The following DACH2 variants were observed in gnomAD, a reference collection of about 807,000 sequenced individuals.
The protein encoded by DACH2 is dachshund homolog 2.
In DACH2, 17 loss-of-function variants were observed where a neutral mutation model predicts 35.8. That is an observed-to-expected ratio of 0.48 (90% confidence interval 0.33 to 0.71). DACH2 has a LOEUF of 0.71. DACH2 is among the 30% of genes least tolerant of loss of function. The pLI, the probability that DACH2 is intolerant of heterozygous loss-of-function variation, is 0.02. For missense variants in DACH2, 469 were observed against 472.7 expected (o/e 0.99, Z 0.07); for synonymous variants, 195 against 177.3 (o/e 1.10, Z -0.79).
intron 3 of DACH2, among the ~76,000 whole-genome samples, chrX:86,635,409 C>T (rs11798002): frequency 0.14 from 15,479 of 108,873 alleles, 1,150 homozygotes; most frequent in Middle Eastern, 0.31. Flanking sequence ...TATGACAAAC[C>T]CACAGCCAAC....
chrX:86,291,429 C>A (rs1355423992), intron 1 of DACH2, among the ~76,000 whole-genome samples: 1 of 99,791 alleles, frequency 1.0e-5, no homozygotes, highest in South Asian at 5.3e-4. Context: ...CTTCTCCTGC[C>A]TAATTGGCCT....
intron 3 of DACH2, among the ~76,000 whole-genome samples, chrX:86,629,719 C>G (rs770811544): frequency 1.0e-5 from 1 of 98,644 alleles, no homozygotes; most frequent in African/African-American, 3.8e-5. Flanking sequence ...CCTATCTCTG[C>G]AGAATAAAAA....
At chrX:86,359,842 C>A (rs2035709564) in intron 1 of DACH2, among the ~76,000 whole-genome samples, 1 of 110,951 alleles carries the variant, frequency 9.0e-6, no homozygotes, top group Non-Finnish European at 1.9e-5. Context: ...TCTGCCTGCC[C>A]AGCGAGTACA....
At chrX:86,672,615 T>G (rs2148425840) in intron 4 of DACH2, among the ~76,000 whole-genome samples, 1 of 112,222 alleles carries the variant, frequency 8.9e-6, no homozygotes, top group South Asian at 3.7e-4. Context: ...GACATTGTGT[T>G]AAGCCTATGG....
intron 2 of DACH2, among the ~76,000 whole-genome samples, chrX:86,470,797 T>C (rs1035089520): frequency 3.1e-4 from 34 of 111,443 alleles, no homozygotes; most frequent in African/African-American, 1.1e-3. Context: ...AAATAAAAGA[T>C]ACACATTATA....
rs772580873 is a variant in DACH2, at chrX:86,827,681, T to A, written c.1751-4425T>A. ...GAAATACTATAAAGTGAGTTTGTGG[T>A]TTTCAGTGAAGTGCATTGAGTAGAT... On this transcript the variant is annotated intron_variant, in intron 11 of 11. Transcript: ENST00000373125. The A allele has an allele frequency of 5.4e-5, 45 of 839,860 alleles. No homozygotes were observed. In the Admixed American group the frequency reaches 5.6e-4, roughly 10 times the overall value. The allele number at this position is 839,860 out of a possible 1,213,427, so 69.2% of individuals were successfully genotyped here.
chrX:86,555,941 G>A (rs2039112593), intron 3 of DACH2, among the ~76,000 whole-genome samples: 1 of 110,952 alleles, frequency 9.0e-6, no homozygotes, highest in Admixed American at 9.7e-5. Flanking sequence ...TTTAATGCCG[G>A]CATCTAAAAT....
chrX:86,279,681 C>T (rs1482537434), intron 1 of DACH2, among the ~76,000 whole-genome samples: 1 of 110,249 alleles, frequency 9.1e-6, no homozygotes, highest in Non-Finnish European at 1.9e-5. Flanking sequence ...TATGAACTGA[C>T]AGAAGTAGGC....
intron 1 of DACH2, among the ~76,000 whole-genome samples, chrX:86,340,392 G>A (rs888902230): frequency 1.8e-5 from 2 of 110,768 alleles, no homozygotes; most frequent in East Asian, 2.8e-4. Context: ...TAATTATTTC[G>A]GAACACCACA....
intron 3 of DACH2, among the ~76,000 whole-genome samples, chrX:86,529,673 C>T (rs2038685364): frequency 1.9e-5 from 2 of 107,776 alleles, no homozygotes; most frequent in African/African-American, 6.8e-5. Flanking sequence ...AGGGTTTCAC[C>T]GTGTTAGCCA....
chrX:86,597,029 T>A (rs996214367), intron 3 of DACH2, among the ~76,000 whole-genome samples: 1 of 111,749 alleles, frequency 8.9e-6, no homozygotes, highest in Admixed American at 9.5e-5. Context: ...CTGCCTTGAT[T>A]AATGCAGTCT....
chrX:86,525,276 G>T (rs2038614857), intron 3 of DACH2, among the ~76,000 whole-genome samples: 1 of 111,984 alleles, frequency 8.9e-6, no homozygotes, highest in Non-Finnish European at 1.9e-5. Context: ...AAATGTAGGA[G>T]ATCAGATGTT....
chrX:86,619,690 C>T (rs190556088), intron 3 of DACH2, among the ~76,000 whole-genome samples: 84 of 111,867 alleles, frequency 7.5e-4, no homozygotes, highest in Admixed American at 1.4e-3. Context: ...TTTTCCCACG[C>T]AAACTGTGCA....
intron 5 of DACH2, among the ~76,000 whole-genome samples, chrX:86,711,365 G>A (rs2041277199): frequency 9.0e-6 from 1 of 111,682 alleles, no homozygotes; most frequent in Admixed American, 9.4e-5. Flanking sequence ...GACAGAGTGA[G>A]ACTCCGTCTC....
intron 3 of DACH2, among the ~76,000 whole-genome samples, chrX:86,593,195 A>G (rs2039669151): frequency 9.1e-6 from 1 of 109,753 alleles, no homozygotes; most frequent in Admixed American, 9.7e-5. Flanking sequence ...ATTTTTCTCT[A>G]TTTCTGTCTT....
intron 7 of DACH2, among the ~76,000 whole-genome samples, chrX:86,792,472 CTTCT>C (rs35822251): frequency 0.059 from 6,521 of 110,436 alleles, 497 homozygotes; most frequent in African/African-American, 0.2. Flanking sequence ...GAACTTATTC[CTTCT>C]ATTTCATTAT....
At chrX:86,676,640 A>G (rs2040828722) in intron 4 of DACH2, among the ~76,000 whole-genome samples, 1 of 112,107 alleles carries the variant, frequency 8.9e-6, no homozygotes, top group African/African-American at 3.2e-5. Flanking sequence ...AGCGGCTACT[A>G]TATGACACAG....
At chrX:86,589,743 A>G (rs1248580753) in intron 3 of DACH2, among the ~76,000 whole-genome samples, 1 of 111,327 alleles carries the variant, frequency 9.0e-6, no homozygotes, top group Non-Finnish European at 1.9e-5. Flanking sequence ...TCTTGTTTCT[A>G]TAGTTTTGCC....
chrX:86,667,084 A>T (rs1416357654), intron 4 of DACH2, among the ~76,000 whole-genome samples: 2 of 14,665 alleles, frequency 1.4e-4, no homozygotes, highest in Non-Finnish European at 3.5e-4. Flanking sequence ...CATCTCTACT[A>T]AAAAAAAAAA....
Sources: gnomAD v4.1 joint callset for allele counts (sites outside exome capture counted in the v4.1 genomes callset) on GRCh38, gnomAD v4.1.1 for gene constraint, MANE v1.5 for transcripts, NCBI Gene and HGNC (gene_info 2026-07-23, HGNC 2026-07-21) for gene names.